Variants in ABCC2 observed in about 807,000 individuals in gnomAD.
ABCC2 encodes ATP-binding cassette sub-family C member 2.
ABCC2 carries 157 observed loss-of-function variants against 173.4 expected under a neutral mutation model. The observed-to-expected ratio is 0.91, with a 90% CI of 0.80 to 1.03. The LOEUF is 1.03. Among genes scored for constraint, ABCC2 ranks in the 50% least tolerant of loss-of-function variants. The probability of loss-of-function intolerance (pLI) is 0.00; values close to 1 mark genes in which losing one functional copy is unlikely to be tolerated. For missense variants in ABCC2, 1,822 were observed against 1,852.3 expected, an observed-to-expected ratio of 0.98 and a Z score of 0.30; for synonymous variants, 657 against 693.5, an observed-to-expected ratio of 0.95 and a Z score of 0.83.
intron 16 of ABCC2, among the ~76,000 whole-genome samples, chr10:99,814,807 GTA>G (rs546408443): frequency 1.2e-4 from 17 of 143,736 alleles, no homozygotes; most frequent in African/African-American, 1.8e-4. Flanking sequence ...ATGTGTGTGT[GTA>G]TATATATATT....
rs757468988 is a variant in ABCC2, at chr10:99,793,872, CTT to C, written c.469-18_469-17del. On this transcript the variant is annotated intron_variant, in intron 4 of 31. Transcript: ENST00000647814. Reference sequence around the variant, plus strand: ...TTTGGACAAAAGGCTCATTTTTCCTCTTTGTTTTTTTCCTCATAGGGTGACAA... The same window carrying C: ...TTTGGACAAAAGGCTCATTTTTCCTCTGTTTTTTTCCTCATAGGGTGACAA... The C allele has an allele frequency of 1.2e-6, 2 of 1,604,102 alleles. No homozygotes were observed. Among genetic ancestry groups the C allele is most frequent in the Admixed American group, 1.7e-5 (1 of 59,984 alleles).
chr10:99,829,275 G>A (rs55818611), intron 19 of ABCC2, among the ~76,000 whole-genome samples: 5,170 of 152,162 alleles, frequency 0.034, 132 homozygotes, highest in Middle Eastern at 0.17. Context: ...ATGATTGTAT[G>A]GCTGTTAGTT....
intron 25 of ABCC2, among the ~76,000 whole-genome samples, chr10:99,841,048 C>T (rs2038935217): frequency 6.6e-6 from 1 of 152,168 alleles, no homozygotes; most frequent in Non-Finnish European, 1.5e-5. Context: ...TTCTTCAGTT[C>T]TCTATGAAAC....
intron 26 of ABCC2, among the ~76,000 whole-genome samples, chr10:99,842,410 C>T (rs1470899311): frequency 6.6e-6 from 1 of 152,180 alleles, no homozygotes; most frequent in Non-Finnish European, 1.5e-5. Flanking sequence ...TAACTTTCTT[C>T]TCTAGAACGT....
chr10:99,794,967 A>T (rs949992178), intron 6 of ABCC2, among the ~76,000 whole-genome samples: 4 of 152,180 alleles, frequency 2.6e-5, no homozygotes, highest in African/African-American at 9.7e-5. Flanking sequence ...GATGCTGAGG[A>T]GAAGATGGAG....
chr10:99,799,865 G>A (rs2037983551), intron 8 of ABCC2, among the ~76,000 whole-genome samples: 1 of 152,170 alleles, frequency 6.6e-6, no homozygotes, highest in African/African-American at 2.4e-5. Context: ...TCACAGCCAT[G>A]GGTTATCAAC....
chr10:99,809,995 T>A, intron 13 of ABCC2, 139 bp from the exon 14 acceptor site: 1 of 733,696 alleles, frequency 1.4e-6, no homozygotes, highest in Non-Finnish European at 2.4e-6. Flanking sequence ...TGGGATAGCT[T>A]CCGGGGCTGA....
At chr10:99,792,531 C>T (rs1056559429) in intron 3 of ABCC2, among the ~76,000 whole-genome samples, 172 bp downstream of exon 3, 2 of 152,168 alleles carry the variant, frequency 1.3e-5, no homozygotes, top group Admixed American at 1.3e-4. Flanking sequence ...AGCTTTTCAT[C>T]TTCATTTGAG....
intron 14 of ABCC2, 32 bp downstream of exon 14, chr10:99,810,250 T>C (rs750808036): frequency 6.4e-7 from 1 of 1,570,128 alleles, no homozygotes; most frequent in South Asian, 1.1e-5. Context: ...TTCCCAAACT[T>C]ATTCGCAGTA....
In ABCC2 at chr10:99,785,058, G is replaced by A. The variant is rs539542797; in HGVS notation, c.207+277G>A. ...TATAATCAATCAAATTATCTTTATA[G>A]CATTTGAGAAATGAACACTGGATCA... is the stretch of plus-strand genomic sequence containing the variant. On this transcript the variant is annotated intron_variant, in intron 2 of 31. Transcript: ENST00000647814. Among the ~76,000 whole-genome samples, 11 of 152,252 alleles carry A rather than the reference G, an allele frequency of 7.2e-5. 1 individual carries two copies. The East Asian group carries it at 2.1e-3, about 29-fold the overall frequency.
At chr10:99,806,244 T>G (rs2038102719) in intron 11 of ABCC2, among the ~76,000 whole-genome samples, 1 of 152,178 alleles carries the variant, frequency 6.6e-6, no homozygotes, top group African/African-American at 2.4e-5. Flanking sequence ...TTTCAAGTGG[T>G]GCTGTGTGCT....
intron 30 of ABCC2, among the ~76,000 whole-genome samples, chr10:99,847,350 C>T: frequency 6.6e-6 from 1 of 152,224 alleles, no homozygotes; most frequent in Non-Finnish European, 1.5e-5. Flanking sequence ...GCCTGTGATC[C>T]CAGCACTCTG....
chr10:99,795,766 A>G (rs565560585), intron 6 of ABCC2, among the ~76,000 whole-genome samples: 2 of 146,648 alleles, frequency 1.4e-5, no homozygotes, highest in Admixed American at 6.8e-5. Flanking sequence ...AAAGAAAGAA[A>G]GAAAGAAAGA....
chr10:99,814,408 CGT>C (rs748237008), intron 16 of ABCC2, among the ~76,000 whole-genome samples: 1 of 139,340 alleles, frequency 7.2e-6, no homozygotes, highest in South Asian at 2.3e-4. Flanking sequence ...TATATACACA[CGT>C]GTATATATGT....
Position 99,800,440 on chromosome 10 carries a change from CTG to C in ABCC2, c.1089_1090del (p.Ala364AsnfsTer38). Reference protein sequence around the residue: ...RDTYLWIGYLCAILLFTAALI... With the variant: ...RDTYLWIGYLXAILLFTAALI... ...ACACATATTTGTGGATTGGATATCTCTGTGCAATCCTCTTATTCACTGCGGCT... is the reference window on the plus strand; with the variant it reads ...ACACATATTTGTGGATTGGATATCTCTGCAATCCTCTTATTCACTGCGGCT... On this transcript the variant is annotated frameshift_variant, in exon 9 of 32. Coordinates refer to ENST00000647814, the MANE Select transcript of ABCC2 (RefSeq NM_000392.5). LOFTEE classifies it high-confidence loss of function. The C allele has an allele frequency of 3.7e-6, 6 of 1,614,182 alleles. No individual in the cohort carries two copies. Among genetic ancestry groups the C allele is most frequent in the African/African-American group, 1.3e-5 (1 of 75,052 alleles).
chr10:99,818,837 A>C lies in ABCC2; in HGVS notation c.2319A>C (p.Arg773Ser). The C allele has an allele frequency of 1.9e-6, 3 of 1,614,188 alleles. No homozygotes were observed. Among genetic ancestry groups the C allele is most frequent in the Non-Finnish European group, 2.5e-6 (3 of 1,180,034 alleles). The part of the protein sequence containing the change: ...GGQKQRISLA[R>S]ATYQNLDIYL... Reference sequence around the variant, plus strand: ...AGAAGCAGCGGATCAGCCTGGCCAGAGCTACCTACCAAAATTTAGACATCT... The same window carrying C: ...AGAAGCAGCGGATCAGCCTGGCCAGCGCTACCTACCAAAATTTAGACATCT... Residue 773 changes from arginine (R) to serine (S), a missense_variant, in exon 18 of 32, where the codon AGA becomes AGC. Arg to Ser is a moderately radical substitution (Grantham distance 110, BLOSUM62 -1). Transcript: ENST00000647814.
chr10:99,818,412 G>A (rs1230194187), intron 17 of ABCC2, among the ~76,000 whole-genome samples: 1 of 152,174 alleles, frequency 6.6e-6, no homozygotes, highest in Non-Finnish European at 1.5e-5. Flanking sequence ...TGAAGATACA[G>A]CTCTGGAGTA....
intron 24 of ABCC2, 58 bp from the exon 25 acceptor site, chr10:99,836,033 A>C: frequency 6.4e-7 from 1 of 1,554,130 alleles, no homozygotes; most frequent in South Asian, 1.1e-5. Flanking sequence ...AGAAAGGAGG[A>C]AGATGGTGGA....
chr10:99,797,946 G>A (rs1445198403), intron 7 of ABCC2: 1 of 159,194 alleles, frequency 6.3e-6, no homozygotes, highest in Non-Finnish European at 1.4e-5. Context: ...AGAAGGAGCA[G>A]GCATGCGAGG....
Sources: gnomAD v4.1 joint callset for allele counts (sites outside exome capture counted in the v4.1 genomes callset) on GRCh38, gnomAD v4.1.1 for gene constraint, MANE v1.5 for transcripts, NCBI Gene and HGNC (gene_info 2026-07-23, HGNC 2026-07-21) for gene names.